Variants in TMEM114 observed in about 807,000 individuals in gnomAD.
The protein encoded by TMEM114 is claudin-26.
In TMEM114, 6 loss-of-function variants were observed where a neutral mutation model predicts 6.2. The ratio of observed to expected loss-of-function variants is 0.97; its 90% CI spans 0.53 to 1.91. The LOEUF is 1.91. TMEM114 is among the 40% of genes most tolerant of loss of function. TMEM114 has a pLI of 0.01. For synonymous variants in TMEM114, 104 were observed against 73.0 expected (o/e 1.42, Z -2.16); for missense variants, 218 against 158.3 (o/e 1.38, Z -2.02).
intron 2 of TMEM114, among the ~76,000 whole-genome samples, chr16:8,542,602 A>G: frequency 6.6e-6 from 1 of 152,156 alleles, no homozygotes; most frequent in East Asian, 1.9e-4. Flanking sequence ...AACGTTCTAA[A>G]TATTGATTCT....
At chr16:8,573,468 G>A (rs1348087473) in intron 2 of TMEM114, among the ~76,000 whole-genome samples, 1 of 152,162 alleles carries the variant, frequency 6.6e-6, no homozygotes, top group Non-Finnish European at 1.5e-5. Context: ...CCATGATGAG[G>A]GGTGAATGGA....
At chr16:8,584,172 T>C (rs559911162) in intron 2 of TMEM114, among the ~76,000 whole-genome samples, 13 of 152,224 alleles carry the variant, frequency 8.5e-5, no homozygotes, top group African/African-American at 2.9e-4. Context: ...AGGAAAGAAA[T>C]TGAGTTTAAC....
At chr16:8,532,663 G>C (rs562664097), downstream of TMEM114, among the ~76,000 whole-genome samples, 1 of 152,190 alleles carries the variant, frequency 6.6e-6, no homozygotes, top group Non-Finnish European at 1.5e-5. Flanking sequence ...AGTGGCTCAC[G>C]CCTGTAATCC....
At chr16:8,572,276 C>T (rs1901760495) in intron 2 of TMEM114, 52 bp from the exon 3 acceptor site, 1 of 1,548,320 alleles carries the variant, frequency 6.5e-7, no homozygotes. Flanking sequence ...TAACATCCTT[C>T]ATTCAATCAA....
chr16:8,541,919 T>C (rs1236499127), intron 2 of TMEM114, among the ~76,000 whole-genome samples: 3 of 152,204 alleles, frequency 2.0e-5, no homozygotes, highest in East Asian at 1.9e-4. Flanking sequence ...TCCCCTGTTC[T>C]TTCCAAGAAC....
chr16:8,532,567 T>C, the TMEM114 span, among the ~76,000 whole-genome samples: 1 of 152,322 alleles, frequency 6.6e-6, no homozygotes, highest in East Asian at 1.9e-4. Context: ...GAGAACGACG[T>C]GTCTCATTTA....
At chr16:8,579,821 G>C (rs1902074358) in intron 2 of TMEM114, among the ~76,000 whole-genome samples, 1 of 152,174 alleles carries the variant, frequency 6.6e-6, no homozygotes, top group Non-Finnish European at 1.5e-5. Flanking sequence ...TGGCCATGAA[G>C]TGTCAGAGCT....
At chr16:8,566,849 C>T (rs1901562448), downstream of TMEM114, among the ~76,000 whole-genome samples, 1 of 151,286 alleles carries the variant, frequency 6.6e-6, no homozygotes, top group Non-Finnish European at 1.5e-5. Flanking sequence ...TCTAATTGTC[C>T]TTCCTGGAGT....
At chr16:8,547,699 C>T (rs4786261) in intron 2 of TMEM114, among the ~76,000 whole-genome samples, 18,801 of 152,186 alleles carry the variant, frequency 0.12, 1,293 homozygotes, top group Middle Eastern at 0.25. Flanking sequence ...CCAGCACGCT[C>T]TCTTTACTGA....
chr16:8,536,911 T>C (rs1236386287), downstream of TMEM114, among the ~76,000 whole-genome samples: 1 of 152,118 alleles, frequency 6.6e-6, no homozygotes, highest in Non-Finnish European at 1.5e-5. Context: ...CATTTTTACT[T>C]TTATTAAACA....
chr16:8,574,728 G>A (rs540541682), intron 2 of TMEM114, among the ~76,000 whole-genome samples: 1 of 152,120 alleles, frequency 6.6e-6, no homozygotes, highest in Non-Finnish European at 1.5e-5. Flanking sequence ...ATCATTTCTC[G>A]TTCAGAAATT....
intron 2 of TMEM114, among the ~76,000 whole-genome samples, chr16:8,554,137 C>T (rs1900932178): frequency 6.6e-6 from 1 of 152,114 alleles, no homozygotes; most frequent in Non-Finnish European, 1.5e-5. Flanking sequence ...ACTTGGCCTC[C>T]CTAAGACTAC....
chr16:8,569,381 G>A, downstream of TMEM114: 2 of 937,762 alleles, frequency 2.1e-6, no homozygotes, highest in Non-Finnish European at 2.6e-6. Context: ...ACAGGGCCCA[G>A]GAGGTAGGGC....
chr16:8,547,446 G>T (rs185050294), intron 2 of TMEM114, among the ~76,000 whole-genome samples: 4 of 149,460 alleles, frequency 2.7e-5, no homozygotes, highest in East Asian at 2.0e-4. Flanking sequence ...AGGCTGGAGT[G>T]CAGTGGTGCA....
intron 2 of TMEM114, among the ~76,000 whole-genome samples, chr16:8,559,178 G>T (rs888582139): frequency 2.6e-5 from 4 of 151,936 alleles, no homozygotes; most frequent in African/African-American, 7.3e-5. Context: ...GGTTAGCTGG[G>T]ACTATACGCA....
chr16:8,569,058 G>A (rs1031854630), downstream of TMEM114, among the ~76,000 whole-genome samples: 1 of 152,202 alleles, frequency 6.6e-6, no homozygotes, highest in Non-Finnish European at 1.5e-5. Context: ...GCATCAGCCC[G>A]AGAGTATCAA....
downstream of TMEM114, among the ~76,000 whole-genome samples, chr16:8,536,012 G>A (rs949850465): frequency 2.0e-5 from 3 of 152,128 alleles, no homozygotes; most frequent in African/African-American, 7.2e-5. Flanking sequence ...GATCACCTGA[G>A]GTGAGGAGTT....
At chr16:8,558,099 C>T (rs566255199) in intron 2 of TMEM114, among the ~76,000 whole-genome samples, 1 of 151,988 alleles carries the variant, frequency 6.6e-6, no homozygotes. Context: ...ACTAAAAATA[C>T]AGAAATTAGC....
chr16:8,538,016 A>AGACT (rs1475115377), intron 2 of TMEM114, among the ~76,000 whole-genome samples: 1 of 150,576 alleles, frequency 6.6e-6, no homozygotes, highest in East Asian at 2.0e-4. Context: ...TTTTGCCCTG[A>AGACT]GACTGGGCGC....
Sources: gnomAD v4.1 joint callset for allele counts (sites outside exome capture counted in the v4.1 genomes callset) on GRCh38, gnomAD v4.1.1 for gene constraint, MANE v1.5 for transcripts, NCBI Gene and HGNC (gene_info 2026-07-23, HGNC 2026-07-21) for gene names.